The following DPP6 variants were observed in gnomAD, a reference collection of about 807,000 sequenced individuals.
DPP6 encodes the protein dipeptidyl peptidase like 6.
A neutral mutation model predicts 122.6 loss-of-function variants in DPP6; 69 were observed. The ratio of observed to expected loss-of-function variants is 0.56; its 90% CI spans 0.46 to 0.69. DPP6 has a LOEUF of 0.69. Among genes scored for constraint, DPP6 ranks in the 30% least tolerant of loss-of-function variants. DPP6 has a pLI of 0.00. For synonymous variants in DPP6, 418 were observed against 433.1 expected, an observed-to-expected ratio of 0.97 and a Z score of 0.43; for missense variants, 928 against 1,116.9, an observed-to-expected ratio of 0.83 and a Z score of 2.41.
In DPP6 at chr7:154,273,649, G is replaced by A. The variant is rs537236748; in HGVS notation, c.244-172565G>A. The stretch of plus-strand genomic sequence containing the variant: ...TGATTGTGCCCCATTTTGTTAATGG[G>A]CAGTATATTTTAAACTACAATTTCA... On this transcript the variant is annotated intron_variant, in intron 1 of 25. Coordinates refer to ENST00000377770, the MANE Select transcript of DPP6 (RefSeq NM_130797.4). Among the ~76,000 whole-genome samples the A allele has an allele frequency of 5.3e-5, 8 of 152,266 alleles. 1 individual carries two copies. The highest frequency in any genetic ancestry group is 1.9e-4 in the African/African-American group (8 of 41,546).
chr7:154,728,685 TC>T (rs1842189993), intron 8 of DPP6, among the ~76,000 whole-genome samples: 1 of 152,188 alleles, frequency 6.6e-6, no homozygotes, highest in Non-Finnish European at 1.5e-5. Flanking sequence ...AATATGTATT[TC>T]TCACAGCTCT....
intron 6 of DPP6, among the ~76,000 whole-genome samples, chr7:154,664,168 C>T (rs1837984807): frequency 6.6e-6 from 1 of 150,652 alleles, no homozygotes; most frequent in Non-Finnish European, 1.5e-5. Context: ...CATGGTGAAT[C>T]ACTATGGCAT....
intron 5 of DPP6, among the ~76,000 whole-genome samples, chr7:154,592,023 G>A (rs1304507122): frequency 1.3e-5 from 2 of 152,240 alleles, no homozygotes; most frequent in African/African-American, 4.8e-5. Flanking sequence ...TGCGTAGGAA[G>A]ACGGGAATCT....
Position 154,885,687 on chromosome 7 carries a change from G to A in DPP6, c.2188G>A (p.Gly730Ser). 6.3e-7 allele frequency: 1 copy of A among 1,598,008 alleles called. No individual in the cohort carries two copies. The highest frequency in any genetic ancestry group is 8.5e-7 in the Non-Finnish European group (1 of 1,172,410). The change falls in exon 22 of 26, where the codon GGC (glycine) becomes AGC (serine). Residue 730 changes from glycine (G) to serine (S), a missense_variant. Coordinates refer to ENST00000377770, the MANE Select transcript of DPP6 (RefSeq NM_130797.4). ...CCTCCCAGCAAAGGGAGAAAATCAA[G>A]GCCAGACATTCACCTGCGGCTCTGC... is the stretch of plus-strand genomic sequence containing the variant. Reference protein sequence around the residue: ...YILPAKGENQGQTFTCGSALS... With the variant: ...YILPAKGENQSQTFTCGSALS...
chr7:154,220,312 T>G (rs1033515331), intron 1 of DPP6, among the ~76,000 whole-genome samples: 6 of 152,112 alleles, frequency 3.9e-5, no homozygotes, highest in Non-Finnish European at 5.9e-5. Context: ...ACACCTTAGC[T>G]AATGAACATA....
chr7:154,057,131 C>CA (rs1800895735), intron 1 of DPP6, among the ~76,000 whole-genome samples: 1 of 152,232 alleles, frequency 6.6e-6, no homozygotes, highest in Non-Finnish European at 1.5e-5. Context: ...CCAGTGAATA[C>CA]ATGCTGCTGC....
intron 1 of DPP6, among the ~76,000 whole-genome samples, chr7:154,138,441 T>G (rs1370045528): frequency 6.6e-6 from 1 of 152,222 alleles, no homozygotes; most frequent in East Asian, 1.9e-4. Flanking sequence ...GGTAACTCTG[T>G]AATAGAATTG....
chr7:154,207,902 C>T (rs1185949309), intron 1 of DPP6, among the ~76,000 whole-genome samples: 2 of 151,724 alleles, frequency 1.3e-5, no homozygotes, highest in Non-Finnish European at 2.9e-5. Flanking sequence ...TTGCAGTGGG[C>T]CACGATCATG....
intron 3 of DPP6, among the ~76,000 whole-genome samples, chr7:154,514,142 G>T (rs1370360751): frequency 6.6e-6 from 1 of 152,086 alleles, no homozygotes; most frequent in Non-Finnish European, 1.5e-5. Flanking sequence ...CAGGCATGGT[G>T]GTGGGTACCT....
At chr7:154,319,543 A>G (rs1404525126) in intron 1 of DPP6, among the ~76,000 whole-genome samples, 1 of 152,076 alleles carries the variant, frequency 6.6e-6, no homozygotes, top group Non-Finnish European at 1.5e-5. Context: ...AAAATACAAA[A>G]AATTGCTCAG....
chr7:154,596,414 G>A (rs958055211), intron 5 of DPP6, among the ~76,000 whole-genome samples: 11 of 152,228 alleles, frequency 7.2e-5, no homozygotes, highest in African/African-American at 1.2e-4. Flanking sequence ...CACGGGCAGT[G>A]TATAGACATT....
chr7:154,243,423 C>T (rs1165805335), intron 1 of DPP6, among the ~76,000 whole-genome samples: 4 of 151,984 alleles, frequency 2.6e-5, no homozygotes, highest in African/African-American at 9.7e-5. Flanking sequence ...GGGAAAGTTG[C>T]AGTAGAGAAA....
intron 1 of DPP6, among the ~76,000 whole-genome samples, chr7:154,205,925 A>G (rs974351657): frequency 2.6e-5 from 4 of 152,156 alleles, no homozygotes; most frequent in Admixed American, 1.3e-4. Context: ...AGGAGCAGGC[A>G]CAAGTGGGCT....
intron 1 of DPP6, among the ~76,000 whole-genome samples, chr7:154,395,173 A>C (rs1348621565): frequency 1.3e-5 from 2 of 152,230 alleles, no homozygotes; most frequent in Non-Finnish European, 1.5e-5. Context: ...TGAAAGGGAC[A>C]AACAGGCTCT....
intron 16 of DPP6, among the ~76,000 whole-genome samples, chr7:154,809,262 AAAAG>A (rs1798888351): frequency 6.6e-6 from 1 of 152,020 alleles, no homozygotes; most frequent in Admixed American, 6.5e-5. Context: ...TTAAAAAAAA[AAAAG>A]AAGAAGAAGG....
intron 1 of DPP6, among the ~76,000 whole-genome samples, chr7:154,413,389 A>G (rs1457978068): frequency 6.6e-6 from 1 of 152,180 alleles, no homozygotes; most frequent in Non-Finnish European, 1.5e-5. Context: ...ATAGTGAGGT[A>G]ATTTGTGCTG....
intron 1 of DPP6, among the ~76,000 whole-genome samples, chr7:154,311,579 T>C (rs1219897327): frequency 6.6e-6 from 1 of 152,136 alleles, no homozygotes; most frequent in Admixed American, 6.5e-5. Flanking sequence ...ATTCTGCATG[T>C]GGCTGATATC....
intron 8 of DPP6, among the ~76,000 whole-genome samples, chr7:154,761,962 G>C (rs1408511382): frequency 6.6e-6 from 1 of 152,074 alleles, no homozygotes; most frequent in East Asian, 1.9e-4. Flanking sequence ...TTCTGTCCTT[G>C]CGATAGTTTG....
intron 5 of DPP6, among the ~76,000 whole-genome samples, chr7:154,623,602 GACACA>G (rs1834852376): frequency 6.7e-6 from 1 of 148,738 alleles, no homozygotes; most frequent in African/African-American, 2.5e-5. Flanking sequence ...CACACACGCT[GACACA>G]CACGCACGTA....
Sources: allele counts gnomAD v4.1 joint callset (sites outside exome capture counted in the v4.1 genomes callset), GRCh38; gene constraint gnomAD v4.1.1; transcripts MANE v1.5; gene names NCBI Gene and HGNC (gene_info 2026-07-23, HGNC 2026-07-21).